TMEM132D: variants seen among roughly 807,000 people sequenced by gnomAD.
The protein encoded by TMEM132D is mature OL transmembrane protein.
Under a neutral mutation model 62.3 loss-of-function variants are expected in TMEM132D, and 21 were observed. The observed-to-expected ratio is 0.34, with a 90% CI of 0.24 to 0.49. The LOEUF is 0.49. TMEM132D is among the 20% of genes least tolerant of loss of function. TMEM132D has a pLI of 0.99. For missense variants in TMEM132D, 1,346 were observed against 1,402.8 expected (o/e 0.96, Z 0.65); for synonymous variants, 621 against 575.6 (o/e 1.08, Z -1.13).
intron 1 of TMEM132D, among the ~76,000 whole-genome samples, chr12:129,736,976 G>A (rs1417753292): frequency 1.3e-5 from 2 of 151,772 alleles, no homozygotes; most frequent in Non-Finnish European, 2.9e-5. Flanking sequence ...TGCCACCAAC[G>A]CCAGCCTATT....
chr12:129,793,586 G>A (rs115690715), intron 1 of TMEM132D, among the ~76,000 whole-genome samples: 2,222 of 152,248 alleles, frequency 0.015, 57 homozygotes, highest in African/African-American at 0.051. Flanking sequence ...GGCTGGTCTC[G>A]AACTCCTGAG....
At chr12:129,286,877 G>A (rs1267856222) in intron 4 of TMEM132D, among the ~76,000 whole-genome samples, 1 of 151,996 alleles carries the variant, frequency 6.6e-6, no homozygotes, top group Non-Finnish European at 1.5e-5. Flanking sequence ...GTGAAACCCC[G>A]TCTCTACTAA....
intron 5 of TMEM132D, among the ~76,000 whole-genome samples, chr12:129,137,464 G>A (rs1222946976): frequency 6.6e-6 from 1 of 152,172 alleles, no homozygotes; most frequent in Non-Finnish European, 1.5e-5. Flanking sequence ...AGGTCACACT[G>A]GTGGTAAGCG....
intron 4 of TMEM132D, among the ~76,000 whole-genome samples, chr12:129,275,257 G>A (rs917681602): frequency 6.6e-6 from 1 of 151,512 alleles, no homozygotes; most frequent in Non-Finnish European, 1.5e-5. Context: ...CTACAGCCTG[G>A]GTGACAAAGC....
At chr12:129,365,756 T>C (rs1337041449) in intron 3 of TMEM132D, among the ~76,000 whole-genome samples, 3 of 152,206 alleles carry the variant, frequency 2.0e-5, no homozygotes, top group South Asian at 4.1e-4. Context: ...TGTGTGCTTC[T>C]CTGGAAAGGG....
At chr12:129,301,935 T>C (rs1022881224) in intron 4 of TMEM132D, among the ~76,000 whole-genome samples, 9 of 152,044 alleles carry the variant, frequency 5.9e-5, no homozygotes, top group African/African-American at 2.2e-4. Context: ...GGCACGTACA[T>C]TGGAAAAGAC....
chr12:129,877,834 C>T (rs1299054375), intron 1 of TMEM132D, among the ~76,000 whole-genome samples: 2 of 152,182 alleles, frequency 1.3e-5, no homozygotes, highest in African/African-American at 2.4e-5. Context: ...CCCCATGAAA[C>T]ACTGGTAAGG....
At chr12:129,347,525 G>A (rs1335707767) in intron 3 of TMEM132D, among the ~76,000 whole-genome samples, 4 of 152,108 alleles carry the variant, frequency 2.6e-5, no homozygotes, top group Non-Finnish European at 4.4e-5. Context: ...ACAGAAACCA[G>A]ACTCCTTCCT....
chr12:129,111,189 G>A (rs1284884565), intron 5 of TMEM132D: 1 of 152,336 alleles, frequency 6.6e-6, no homozygotes, highest in African/African-American at 2.4e-5. Context: ...AAGATAAATA[G>A]GGAAGCAACA....
intron 1 of TMEM132D, among the ~76,000 whole-genome samples, chr12:129,804,720 G>A (rs1229543673): frequency 2.9e-4 from 19 of 64,990 alleles, no homozygotes; most frequent in Non-Finnish European, 5.5e-4. Flanking sequence ...GAAATAAAGG[G>A]TATTCAATTA....
intron 2 of TMEM132D, among the ~76,000 whole-genome samples, chr12:129,590,827 G>A (rs1218767455): frequency 1.3e-5 from 2 of 152,118 alleles, no homozygotes; most frequent in Non-Finnish European, 2.9e-5. Context: ...GGAGGGAGGA[G>A]GTCCTGAGAC....
At chr12:129,528,739 A>G (rs1395528993) in intron 3 of TMEM132D, among the ~76,000 whole-genome samples, 1 of 152,262 alleles carries the variant, frequency 6.6e-6, no homozygotes, top group Non-Finnish European at 1.5e-5. Flanking sequence ...TAATTCTAGA[A>G]CAAATTATCA....
At chr12:129,752,422 G>A (rs1013378131) in intron 1 of TMEM132D, among the ~76,000 whole-genome samples, 1 of 152,174 alleles carries the variant, frequency 6.6e-6, no homozygotes, top group African/African-American at 2.4e-5. Flanking sequence ...AATTTCTAAA[G>A]AAAGCCAGCA....
At chr12:129,538,900 G>T (rs11060418) in intron 2 of TMEM132D, among the ~76,000 whole-genome samples, 328 of 14,324 alleles carry the variant, frequency 0.023, 1 homozygote, top group African/African-American at 0.049. Flanking sequence ...TGGCTACTAG[G>T]GACCCCTGGC....
At chr12:129,334,571 C>T (rs137907503) in intron 4 of TMEM132D, among the ~76,000 whole-genome samples, 1 of 152,284 alleles carries the variant, frequency 6.6e-6, no homozygotes, top group East Asian at 1.9e-4. Flanking sequence ...AAGGAAGCCA[C>T]TCAGAGCCCA....
intron 3 of TMEM132D, among the ~76,000 whole-genome samples, chr12:129,516,177 G>T (rs377270648): frequency 6.6e-6 from 1 of 152,126 alleles, no homozygotes; most frequent in Non-Finnish European, 1.5e-5. Flanking sequence ...CATGGACTTG[G>T]ACTCAGACCC....
At chr12:129,545,861 C>G in intron 2 of TMEM132D, among the ~76,000 whole-genome samples, 1 of 152,186 alleles carries the variant, frequency 6.6e-6, no homozygotes, top group East Asian at 1.9e-4. Flanking sequence ...TTTAACTCTT[C>G]AGGTAAAACC....
At chr12:129,784,871 T>C (rs1871211758) in intron 1 of TMEM132D, among the ~76,000 whole-genome samples, 1 of 152,170 alleles carries the variant, frequency 6.6e-6, no homozygotes, top group African/African-American at 2.4e-5. Flanking sequence ...TCACGCTGAA[T>C]GCACACAGGC....
intron 2 of TMEM132D, among the ~76,000 whole-genome samples, chr12:129,663,991 T>C (rs1880310069): frequency 6.6e-6 from 1 of 152,212 alleles, no homozygotes; most frequent in Admixed American, 6.5e-5. Flanking sequence ...AAGTGGCCTA[T>C]ACATTCAAAA....
Sources: allele counts gnomAD v4.1 joint callset (sites outside exome capture counted in the v4.1 genomes callset), GRCh38; gene constraint gnomAD v4.1.1; transcripts MANE v1.5; gene names NCBI Gene and HGNC (gene_info 2026-07-23, HGNC 2026-07-21).